The following UBR3 variants were observed in gnomAD, a reference collection of about 807,000 sequenced individuals.
UBR3 encodes the protein E3 ubiquitin-protein ligase UBR3.
Under a neutral mutation model 243.2 loss-of-function variants are expected in UBR3, and 85 were observed. The observed-to-expected ratio is 0.35, with a 90% confidence interval of 0.29 to 0.42. UBR3 has a LOEUF of 0.42. Among genes scored for constraint, UBR3 ranks in the 10% least tolerant of loss-of-function variants. The probability of loss-of-function intolerance (pLI) is 1.00; values close to 1 mark genes in which losing one functional copy is unlikely to be tolerated. For missense variants in UBR3, 1,686 were observed against 2,300.8 expected, an observed-to-expected ratio of 0.73 and a Z score of 5.47; for synonymous variants, 748 against 799.8, an observed-to-expected ratio of 0.94 and a Z score of 1.09.
intron 5 of UBR3, among the ~76,000 whole-genome samples, chr2:169,886,752 A>G (rs532496996): frequency 8.5e-5 from 13 of 152,272 alleles, no homozygotes; most frequent in Admixed American, 6.5e-5. Flanking sequence ...AAAATGCCCA[A>G]CATTTCCCCC....
intron 31 of UBR3, among the ~76,000 whole-genome samples, chr2:170,033,953 ACTAT>A (rs1218107976): frequency 6.6e-5 from 10 of 151,738 alleles, no homozygotes; most frequent in Non-Finnish European, 8.8e-5. Flanking sequence ...GATTTAAAAG[ACTAT>A]CTAAAACTTT....
intron 24 of UBR3, among the ~76,000 whole-genome samples, chr2:169,984,997 C>T (rs529429884): frequency 1.4e-5 from 2 of 145,958 alleles, no homozygotes; most frequent in South Asian, 4.4e-4. Flanking sequence ...GTTTTCAAGT[C>T]GATTGTACCA....
At chr2:169,834,107 T>G (rs2082016002) in intron 1 of UBR3, among the ~76,000 whole-genome samples, 2 of 151,778 alleles carry the variant, frequency 1.3e-5, no homozygotes, top group South Asian at 4.2e-4. Context: ...TTGTGGGAGG[T>G]TTTTAGGTTT....
chr2:170,077,557 A>G (rs2091836470), intron 36 of UBR3: 3 of 634,212 alleles, frequency 4.7e-6, no homozygotes. Flanking sequence ...TTTAGTAACC[A>G]TCCTCCTCTA....
chr2:170,046,926 C>G (rs2091102947), intron 32 of UBR3, among the ~76,000 whole-genome samples: 1 of 152,062 alleles, frequency 6.6e-6, no homozygotes. Flanking sequence ...TGTTTAAATA[C>G]TTCAGGTTGG....
chr2:169,843,149 C>T (rs1448296173), intron 1 of UBR3, among the ~76,000 whole-genome samples: 1 of 152,202 alleles, frequency 6.6e-6, no homozygotes, highest in Non-Finnish European at 1.5e-5. Flanking sequence ...TTTATTATAG[C>T]AACGACATCA....
intron 30 of UBR3, among the ~76,000 whole-genome samples, chr2:170,026,014 T>C (rs2090519262): frequency 6.6e-6 from 1 of 151,990 alleles, no homozygotes; most frequent in Admixed American, 6.6e-5. Context: ...AATTGTGAAC[T>C]TAGAGGTAGA....
intron 3 of UBR3, among the ~76,000 whole-genome samples, chr2:169,876,531 T>TTATTGTATTGTATTGTATTG (rs71006049): frequency 0.076 from 11,218 of 147,270 alleles, 565 homozygotes; most frequent in Non-Finnish European, 0.093. Flanking sequence ...CTGCCTCTCT[T>TTATTGTATTGTATTGTATTG]TATTGTATTG....
intron 5 of UBR3, among the ~76,000 whole-genome samples, chr2:169,882,372 T>C (rs370563634): frequency 7.1e-6 from 1 of 141,372 alleles, no homozygotes; most frequent in Non-Finnish European, 1.5e-5. Context: ...TATATGTAAA[T>C]ATATATTATA....
intron 36 of UBR3, among the ~76,000 whole-genome samples, chr2:170,076,232 G>A (rs753826169): frequency 6.6e-6 from 1 of 152,184 alleles, no homozygotes; most frequent in Admixed American, 6.5e-5. Flanking sequence ...TTTTCTAAAA[G>A]AACTTATAAT....
At chr2:169,838,215 CAGTG>C (rs1442880670) in intron 1 of UBR3, among the ~76,000 whole-genome samples, 2 of 152,150 alleles carry the variant, frequency 1.3e-5, no homozygotes, top group African/African-American at 2.4e-5. Context: ...AAAATGGAAA[CAGTG>C]AGATTAGTGA....
rs555518009 is a variant in UBR3 at position 170,082,777 on chromosome 2, C to CT, written c.*935dup. On this transcript the variant is annotated 3_prime_UTR_variant, in exon 39 of 39. Coordinates refer to ENST00000272793, the MANE Select transcript of UBR3 (RefSeq NM_172070.4). Reference sequence around the variant, plus strand: ...CATAAATTTTGGAACTTCCTTTCAGCTCAAGAGGTTCAGCTATATTGTATT... The same window carrying CT: ...CATAAATTTTGGAACTTCCTTTCAGCTTCAAGAGGTTCAGCTATATTGTATT... 113 of 152,314 alleles carry CT rather than the reference C, an allele frequency of 7.4e-4. 1 individual carries two copies. The highest frequency in any genetic ancestry group is 2.5e-3 in the African/African-American group (104 of 41,572). The allele number at this position is 152,314 out of a possible 1,614,324, so 9.4% of individuals were successfully genotyped here. A position where few individuals can be genotyped will look rare whatever the true frequency, so the allele number is the denominator to read the frequency against.
intron 30 of UBR3, among the ~76,000 whole-genome samples, chr2:170,024,628 TG>T (rs2090481481): frequency 6.6e-6 from 1 of 152,164 alleles, no homozygotes; most frequent in South Asian, 2.1e-4. Flanking sequence ...AGTTTTTTTA[TG>T]TAAAATAGTC....
intron 5 of UBR3, among the ~76,000 whole-genome samples, chr2:169,879,325 T>C (rs1005983884): frequency 2.0e-5 from 3 of 152,264 alleles, no homozygotes; most frequent in African/African-American, 7.2e-5. Flanking sequence ...TTAAGCCAAA[T>C]ATACTCCTTT....
intron 35 of UBR3, among the ~76,000 whole-genome samples, chr2:170,071,125 A>G (rs2091688393): frequency 6.6e-6 from 1 of 152,214 alleles, no homozygotes; most frequent in South Asian, 2.1e-4. Flanking sequence ...CATTACTGAT[A>G]GGAATGCAAA....
chr2:169,899,569 T>C (rs1317030007), intron 8 of UBR3, among the ~76,000 whole-genome samples: 2 of 152,164 alleles, frequency 1.3e-5, no homozygotes, highest in African/African-American at 4.8e-5. Flanking sequence ...GCAGGTTTGT[T>C]ACCTAGGTAT....
At chr2:169,879,514 G>A (rs554528831) in intron 5 of UBR3, among the ~76,000 whole-genome samples, 2 of 152,214 alleles carry the variant, frequency 1.3e-5, no homozygotes, top group African/African-American at 4.8e-5. Context: ...ATGCTGTGTA[G>A]GAGTCTGACT....
chr2:169,840,860 T>C (rs980095887), intron 1 of UBR3, among the ~76,000 whole-genome samples: 5 of 152,112 alleles, frequency 3.3e-5, no homozygotes, highest in East Asian at 1.9e-4. Flanking sequence ...CTGGGCCCAC[T>C]TGAACTACAG....
At chr2:169,938,099 G>A (rs941874019) in intron 19 of UBR3, among the ~76,000 whole-genome samples, 8 of 152,102 alleles carry the variant, frequency 5.3e-5, no homozygotes, top group African/African-American at 1.2e-4. Context: ...GTTTTCATCC[G>A]ATCCTCCTTA....
Sources: allele counts gnomAD v4.1 joint callset (sites outside exome capture counted in the v4.1 genomes callset), GRCh38; gene constraint gnomAD v4.1.1; transcripts MANE v1.5; gene names NCBI Gene and HGNC (gene_info 2026-07-23, HGNC 2026-07-21).